Variants in DHX15 observed in about 807,000 individuals in gnomAD.
DHX15 encodes the protein DEAH-box helicase 15.
DHX15 carries 11 observed loss-of-function variants against 94.4 expected under a neutral mutation model. The observed-to-expected ratio is 0.12, with a 90% CI of 0.07 to 0.19. DHX15 has a LOEUF of 0.19. Among genes scored for constraint, DHX15 ranks in the 10% least tolerant of loss-of-function variants. DHX15 has a pLI of 1.00. For missense variants in DHX15, 304 were observed against 988.5 expected, an observed-to-expected ratio of 0.31 and a Z score of 9.29; for synonymous variants, 338 against 329.9, an observed-to-expected ratio of 1.02 and a Z score of -0.27.
intron 4 of DHX15, among the ~76,000 whole-genome samples, chr4:24,555,515 T>G (rs1721716146): frequency 6.6e-6 from 1 of 151,934 alleles, no homozygotes; most frequent in African/African-American, 2.4e-5. Flanking sequence ...CAGGCCTCAG[T>G]TTTTTTTCTA....
intron 12 of DHX15, chr4:24,530,476 C>A (rs145485964): frequency 0.021 from 3,138 of 152,326 alleles, 62 homozygotes; most frequent in Admixed American, 0.028. Context: ...ACTCAGGAGG[C>A]TGAGGCAGGA....
At chr4:24,558,581 T>C (rs1340582223) in intron 3 of DHX15, among the ~76,000 whole-genome samples, 1 of 152,142 alleles carries the variant, frequency 6.6e-6, no homozygotes, top group Non-Finnish European at 1.5e-5. Context: ...AGTACTTAGT[T>C]AAATGGCCAA....
At chr4:24,570,277 A>G (rs1722092066) in intron 3 of DHX15, among the ~76,000 whole-genome samples, 1 of 151,044 alleles carries the variant, frequency 6.6e-6, no homozygotes, top group Non-Finnish European at 1.5e-5. Context: ...AATAAATCAC[A>G]TCCCATCCTA....
intron 2 of DHX15, among the ~76,000 whole-genome samples, chr4:24,571,074 G>C (rs900198364): frequency 1.3e-5 from 2 of 152,066 alleles, no homozygotes; most frequent in African/African-American, 4.8e-5. Context: ...ACACAATCAG[G>C]AATACACTCG....
In DHX15 at chr4:24,527,750, A is replaced by G. The variant is rs560316340; in HGVS notation, c.*174T>C. 3 of 536,620 alleles carry G rather than the reference A, an allele frequency of 5.6e-6. No homozygotes were observed. The South Asian group carries it at 9.2e-5, about 16-fold the overall frequency. The allele number at this position is 536,620 out of a possible 1,614,324, so 33.2% of individuals were successfully genotyped here. ...GAGCTACAGTGTCAACACAAAAGGG[A>G]GGCATAAATGTTTAATTTATGAAAT... On this transcript the variant is annotated 3_prime_UTR_variant, in exon 14 of 14. Coordinates refer to ENST00000336812, the MANE Select transcript of DHX15 (RefSeq NM_001358.3).
chr4:24,534,173 T>C (rs1399599538), intron 11 of DHX15: 1 of 152,196 alleles, frequency 6.6e-6, no homozygotes, highest in Non-Finnish European at 1.5e-5. Flanking sequence ...AAGTTAACCA[T>C]CTGAAGCCAT....
chr4:24,535,577 A>G lies in DHX15; in HGVS notation c.1909+1474T>C, dbSNP rs143913716. On this transcript the variant is annotated intron_variant, in intron 11 of 13. Coordinates refer to ENST00000336812, the MANE Select transcript of DHX15 (RefSeq NM_001358.3). The stretch of plus-strand genomic sequence containing the variant: ...GTCTTCAGCCTGTGGTTTCATAACC[A>G]CATTTCCCTTAACTCTCATATCTGC... Among the ~76,000 whole-genome samples, 1,438 of 152,330 alleles carry G rather than the reference A, an allele frequency of 9.4e-3. 14 individuals carry two copies. Among genetic ancestry groups the G allele is most frequent in the South Asian group, 0.033 (158 of 4,828 alleles).
At position 24,584,474 on chromosome 4, in the gene DHX15, C is replaced by T. The variant is rs1722562423; in HGVS notation, c.-81G>A. 4 of 1,353,292 alleles carry T rather than the reference C, an allele frequency of 3.0e-6. No individual in the cohort carries two copies. Among genetic ancestry groups the T allele is most frequent in the East Asian group, 2.7e-5 (1 of 36,754 alleles). 83.8% of individuals were successfully genotyped at this position (1,353,292 alleles called of 1,614,324 possible). A position where few individuals can be genotyped will look rare whatever the true frequency, so the allele number is the denominator to read the frequency against. On this transcript the variant is annotated 5_prime_UTR_variant, in exon 1 of 14. Coordinates refer to ENST00000336812, the MANE Select transcript of DHX15 (RefSeq NM_001358.3). ...CACAGTCGAGGACAGCCACTTAACT[C>T]TGGAGGACCCCCACCCCTCCCGCTA...
chr4:24,571,605 T>C (rs11940872), intron 2 of DHX15, among the ~76,000 whole-genome samples: 5,416 of 152,222 alleles, frequency 0.036, 291 homozygotes, highest in African/African-American at 0.12. Context: ...AAAAGAACCA[T>C]GGGAAAAATG....
At chr4:24,581,280 G>A (rs1053532226) in intron 1 of DHX15, among the ~76,000 whole-genome samples, 2 of 151,982 alleles carry the variant, frequency 1.3e-5, no homozygotes, top group Non-Finnish European at 2.9e-5. Flanking sequence ...CACCCGCCTC[G>A]GCCTCCCAAA....
At chr4:24,567,041 G>T (rs2109006975) in intron 3 of DHX15, among the ~76,000 whole-genome samples, 1 of 152,158 alleles carries the variant, frequency 6.6e-6, no homozygotes, top group Middle Eastern at 3.4e-3. Context: ...ACTATTAGCT[G>T]ACTGAATGAC....
At chr4:24,571,973 T>C (rs991315493) in intron 2 of DHX15, among the ~76,000 whole-genome samples, 3 of 152,340 alleles carry the variant, frequency 2.0e-5, no homozygotes, top group Non-Finnish European at 2.9e-5. Flanking sequence ...AGTGGTTTTC[T>C]AGTCAGGCTA....
chr4:24,555,432 T>G (rs947534625), intron 4 of DHX15, among the ~76,000 whole-genome samples: 2 of 152,192 alleles, frequency 1.3e-5, no homozygotes, highest in African/African-American at 4.8e-5. Flanking sequence ...TAATAAATAA[T>G]GATAGTACTC....
In DHX15 at chr4:24,570,767, C is replaced by T. The variant is rs1560774505; in HGVS notation, c.588G>A (p.Val196=). Residue 196 remains valine, a synonymous_variant, in exon 3 of 14, where the codon GTG becomes GTA. Coordinates refer to ENST00000336812, the MANE Select transcript of DHX15 (RefSeq NM_001358.3). ...CTCTCTGAGCCACACTCATTGCAGC[C>T]ACTCTCCTGGGTTGGGTACAGGCAA... ...RGVACTQPRR[V]AAMSVAQRVA... The T allele has an allele frequency of 1.2e-6, 2 of 1,614,070 alleles. No individual in the cohort carries two copies. The highest frequency in any genetic ancestry group is 1.7e-6 in the Non-Finnish European group (2 of 1,180,054).
chr4:24,539,963 A>C, intron 10 of DHX15, 145 bp downstream of exon 10: 1 of 533,170 alleles, frequency 1.9e-6, no homozygotes, highest in Non-Finnish European at 3.2e-6. Context: ...GAAGCTATTT[A>C]CAAGGTATTT....
chr4:24,528,570 T>C lies in DHX15; in HGVS notation c.2271-529A>G, dbSNP rs1022578045. The stretch of plus-strand genomic sequence containing the variant: ...GGTAATGTCCTACACAATTTAAGTG[T>C]CAAAAGTCCCAAATCCGTATAAGAA... On this transcript the variant is annotated intron_variant, in intron 13 of 13. Coordinates refer to ENST00000336812, the MANE Select transcript of DHX15 (RefSeq NM_001358.3). 7.2e-5 allele frequency among the ~76,000 whole-genome samples: 11 copies of C among 152,166 alleles called. No individual in the cohort carries two copies. In the East Asian group the frequency reaches 1.3e-3, roughly 19 times the overall value.
At chr4:24,546,494 A>G (rs1283804248) in intron 6 of DHX15, among the ~76,000 whole-genome samples, 2 of 152,244 alleles carry the variant, frequency 1.3e-5, no homozygotes, top group Non-Finnish European at 2.9e-5. Flanking sequence ...TGAAGAGTAA[A>G]CTTGAATGCA....
chr4:24,536,726 A>G (rs1038722993), intron 11 of DHX15, among the ~76,000 whole-genome samples: 2 of 152,228 alleles, frequency 1.3e-5, no homozygotes, highest in African/African-American at 4.8e-5. Context: ...ATATAAAACT[A>G]TTCTTAAAAA....
Position 24,528,199 on chromosome 4 carries a change from G to A in DHX15, c.2271-158C>T, listed in dbSNP as rs571040554. ...TACAAATAACTAATCCTTACAAATA[G>A]CACTTTTAGAAATGTGTTAAGTATT... On this transcript the variant is annotated intron_variant, in intron 13 of 13. Coordinates refer to ENST00000336812, the MANE Select transcript of DHX15 (RefSeq NM_001358.3). 3.0e-4 allele frequency among the ~76,000 whole-genome samples: 45 copies of A among 152,232 alleles called. No individual in the cohort carries two copies. The South Asian group carries it at 8.9e-3, about 30-fold the overall frequency.
Sources: gnomAD v4.1 joint callset for allele counts (sites outside exome capture counted in the v4.1 genomes callset) on GRCh38, gnomAD v4.1.1 for gene constraint, MANE v1.5 for transcripts, NCBI Gene and HGNC (gene_info 2026-07-23, HGNC 2026-07-21) for gene names.